The following ENOX1 variants were observed in gnomAD, a reference collection of about 807,000 sequenced individuals.
ENOX1 encodes ecto-NOX disulfide-thiol exchanger 1.
ENOX1 carries 42 observed loss-of-function variants against 82.5 expected under a neutral mutation model. The ratio of observed to expected loss-of-function variants is 0.51; its 90% confidence interval spans 0.40 to 0.66. The LOEUF (loss-of-function observed/expected upper bound fraction) is 0.66. Ranked by LOEUF, ENOX1 falls within the 30% of genes least tolerant of loss-of-function variation. The pLI is 0.00. For missense variants in ENOX1, 608 were observed against 811.6 expected (o/e 0.75, Z 3.05); for synonymous variants, 271 against 282.2 (o/e 0.96, Z 0.40).
chr13:43,697,434 A>G (rs2086696394), intron 1 of ENOX1, among the ~76,000 whole-genome samples: 1 of 152,202 alleles, frequency 6.6e-6, no homozygotes, highest in African/African-American at 2.4e-5. Flanking sequence ...TTTAGGGCTC[A>G]ACCTTGAGGA....
At chr13:43,254,951 C>T (rs1430577161) in intron 14 of ENOX1, among the ~76,000 whole-genome samples, 3 of 151,880 alleles carry the variant, frequency 2.0e-5, no homozygotes, top group African/African-American at 7.3e-5. Context: ...AATTCTACCA[C>T]ATATTAAAAA....
intron 1 of ENOX1, among the ~76,000 whole-genome samples, chr13:43,777,612 GACTC>G (rs1257289185): frequency 6.7e-6 from 1 of 149,630 alleles, no homozygotes; most frequent in East Asian, 2.0e-4. Flanking sequence ...GCATGATCTC[GACTC>G]ACTGCAACCT....
At chr13:43,415,882 A>G (rs78230349) in intron 3 of ENOX1, among the ~76,000 whole-genome samples, 34 of 100,458 alleles carry the variant, frequency 3.4e-4, no homozygotes, top group East Asian at 1.3e-3. Flanking sequence ...CCGGGCAGAG[A>G]TGCTCCCCAC....
chr13:43,619,872 G>A (rs985428141), intron 2 of ENOX1, among the ~76,000 whole-genome samples: 2 of 151,982 alleles, frequency 1.3e-5, no homozygotes, highest in African/African-American at 4.8e-5. Flanking sequence ...GCTGTGAATC[G>A]CTCTGGTCCT....
intron 1 of ENOX1, among the ~76,000 whole-genome samples, chr13:43,685,346 C>A (rs1377330712): frequency 1.3e-5 from 2 of 152,120 alleles, no homozygotes; most frequent in Non-Finnish European, 2.9e-5. Context: ...TTGATGCTAA[C>A]AAGGCCTCTG....
At chr13:43,326,099 TTTTC>T (rs1374922898) in intron 10 of ENOX1, among the ~76,000 whole-genome samples, 1 of 152,112 alleles carries the variant, frequency 6.6e-6, no homozygotes, top group Non-Finnish European at 1.5e-5. Context: ...TAAAAGCCAG[TTTTC>T]TATTGTAAGC....
At chr13:43,668,506 T>A (rs990726384) in intron 1 of ENOX1, among the ~76,000 whole-genome samples, 2 of 152,196 alleles carry the variant, frequency 1.3e-5, no homozygotes, top group Admixed American at 6.6e-5. Context: ...TTCCAGAACA[T>A]GTAGACTAAT....
chr13:43,516,845 G>C (rs757525999), intron 2 of ENOX1, among the ~76,000 whole-genome samples: 1 of 152,094 alleles, frequency 6.6e-6, no homozygotes, highest in Non-Finnish European at 1.5e-5. Context: ...CAGAATATTA[G>C]CTTCCCCATT....
intron 2 of ENOX1, among the ~76,000 whole-genome samples, chr13:43,496,443 T>C (rs977966006): frequency 2.0e-5 from 3 of 151,956 alleles, no homozygotes; most frequent in Admixed American, 2.0e-4. Flanking sequence ...TGGAGTGCAG[T>C]GGAACAATCA....
intron 2 of ENOX1, among the ~76,000 whole-genome samples, chr13:43,642,593 A>C (rs558333736): frequency 5.3e-5 from 8 of 152,330 alleles, no homozygotes; most frequent in African/African-American, 1.9e-4. Flanking sequence ...TTAGGGCAGA[A>C]GCACCCAAGA....
Position 43,399,231 on chromosome 13 carries a change from T to C in ENOX1, c.208+12685A>G, listed in dbSNP as rs112633808. Among the ~76,000 whole-genome samples, 112 of 152,366 alleles carry C rather than the reference T, an allele frequency of 7.4e-4. 2 individuals are homozygous for C. Among genetic ancestry groups the C allele is most frequent in the African/African-American group, 2.4e-3 (100 of 41,574 alleles). On this transcript the variant is annotated intron_variant, in intron 5 of 16. Transcript: ENST00000690772. ...AGGCTTTTGGATAACATCAGGCTAC[T>C]GGTAGTTAAGTCTTGGGGGAGTCAA...
chr13:43,361,503 T>C (rs2050504147), intron 5 of ENOX1, 51 bp from the exon 6 acceptor site: 11 of 1,541,270 alleles, frequency 7.1e-6, no homozygotes, highest in Non-Finnish European at 8.7e-6. Context: ...TCCATTTTTG[T>C]TGTTGTTTTT....
intron 16 of ENOX1, among the ~76,000 whole-genome samples, chr13:43,215,485 C>T (rs2041423064): frequency 1.3e-5 from 2 of 152,244 alleles, no homozygotes; most frequent in Non-Finnish European, 2.9e-5. Context: ...TTCTTTCAGT[C>T]ACCACCAGTG....
intron 2 of ENOX1, among the ~76,000 whole-genome samples, chr13:43,596,911 G>C (rs192783637): frequency 6.8e-4 from 104 of 152,244 alleles, no homozygotes; most frequent in Admixed American, 1.2e-3. Flanking sequence ...CCACCCTCAT[G>C]GAGTGTATCA....
intron 1 of ENOX1, among the ~76,000 whole-genome samples, chr13:43,783,852 CAA>C (rs796626271): frequency 6.7e-6 from 1 of 150,184 alleles, no homozygotes. Context: ...AAAAAACATC[CAA>C]AAAAAAAGAA....
Position 43,298,426 on chromosome 13 carries a change from G to C in ENOX1, c.1366C>G (p.Gln456Glu), listed in dbSNP as rs1489656410. ...EVELLKQEKE[Q>E]LFRTEENLTK... is the part of the protein sequence containing the mutation. The stretch of plus-strand genomic sequence containing the variant: ...AGGTTTTCTTCTGTTCGGAAAAGCT[G>C]TTCTTTTTCTTGTTTCAGCAGCTCC... Residue 456 changes from glutamine (Q) to glutamate (E), a missense_variant, in exon 12 of 17, where the codon CAG (glutamine) becomes GAG (glutamate). Gln to Glu is a conservative substitution (Grantham distance 29, BLOSUM62 2). Transcript: ENST00000690772. 9.3e-6 allele frequency: 15 copies of C among 1,613,916 alleles called. No homozygotes were observed. The Admixed American group carries it at 2.2e-4, about 23-fold the overall frequency.
intron 11 of ENOX1, among the ~76,000 whole-genome samples, chr13:43,315,836 T>C (rs2047447518): frequency 6.6e-6 from 1 of 152,142 alleles, no homozygotes; most frequent in South Asian, 2.1e-4. Context: ...AAATCCACTC[T>C]CCTATGTAAT....
At position 43,772,609 on chromosome 13, in the gene ENOX1, C is replaced by T. The variant is rs753643413; in HGVS notation, c.-285+14043G>A. On this transcript the variant is annotated intron_variant, in intron 1 of 16. Coordinates refer to ENST00000690772, the MANE Select transcript of ENOX1 (RefSeq NM_001347969.2). ...ACTAAAATACAAAGAATTAGCTTGGCGTGGTGGTACACACCTGTAATCCCA... is the reference window on the plus strand; with the variant it reads ...ACTAAAATACAAAGAATTAGCTTGGTGTGGTGGTACACACCTGTAATCCCA... Among the ~76,000 whole-genome samples the T allele has an allele frequency of 7.9e-5, 12 of 152,010 alleles. No individual in the cohort carries two copies. In the East Asian group the frequency reaches 1.2e-3, roughly 15 times the overall value.
intron 1 of ENOX1, among the ~76,000 whole-genome samples, chr13:43,770,026 G>T (rs1951498603): frequency 6.6e-6 from 1 of 152,240 alleles, no homozygotes; most frequent in Admixed American, 6.5e-5. Context: ...AATTGCCCAA[G>T]TGTAGAATGG....
Sources: allele counts gnomAD v4.1 joint callset (sites outside exome capture counted in the v4.1 genomes callset), GRCh38; gene constraint gnomAD v4.1.1; transcripts MANE v1.5; gene names NCBI Gene and HGNC (gene_info 2026-07-23, HGNC 2026-07-21).